MRM1: variants seen among roughly 807,000 people sequenced by gnomAD.
MRM1 encodes the protein mitochondrial rRNA methyltransferase 1.
A neutral mutation model predicts 25.0 loss-of-function variants in MRM1; 24 were observed. The ratio of observed to expected loss-of-function variants is 0.96; its 90% CI spans 0.69 to 1.35. The LOEUF (loss-of-function observed/expected upper bound fraction) is 1.35, where lower values mean the gene tolerates loss of function less well. Ranked by LOEUF, MRM1 falls within the 40% of genes most tolerant of loss-of-function variation. The pLI, the probability that MRM1 is intolerant of heterozygous loss-of-function variation, is 0.00. For synonymous variants in MRM1, 188 were observed against 199.2 expected, an observed-to-expected ratio of 0.94 and a Z score of 0.47; for missense variants, 431 against 464.1, an observed-to-expected ratio of 0.93 and a Z score of 0.65.
At chr17:36,618,773 G>T in the MRM1 span, among the ~76,000 whole-genome samples, 1 of 152,196 alleles carries the variant, frequency 6.6e-6, no homozygotes, top group African/African-American at 2.4e-5. Context: ...CACCTGCTTT[G>T]TCGATGAGAT....
At chr17:36,620,844 A>G in the MRM1 span, among the ~76,000 whole-genome samples, 1 of 152,096 alleles carries the variant, frequency 6.6e-6, no homozygotes, top group Non-Finnish European at 1.5e-5. Flanking sequence ...GGCCCAACCC[A>G]TCCATAGGTC....
At position 36,608,552 on chromosome 17, in the gene MRM1, A is replaced by C. The variant is rs1344292829; in HGVS notation, c.*137A>C. 57 of 356,896 alleles carry C rather than the reference A, an allele frequency of 1.6e-4. No homozygotes were observed. Among genetic ancestry groups the C allele is most frequent in the East Asian group, 3.8e-4 (6 of 15,714 alleles). 22.1% of individuals were successfully genotyped at this position (356,896 alleles called of 1,614,324 possible). A position where few individuals can be genotyped will look rare whatever the true frequency, so the allele number is the denominator to read the frequency against. On this transcript the variant is annotated 3_prime_UTR_variant, in exon 5 of 5. Coordinates refer to ENST00000614766, the MANE Select transcript of MRM1 (RefSeq NM_024864.5). ...TTGACCACAGTCTGGGGGGGGGGGAAGGGGACTGCGGTGGACACCAGAGGA... is the reference window on the plus strand; with the variant it reads ...TTGACCACAGTCTGGGGGGGGGGGACGGGGACTGCGGTGGACACCAGAGGA...
the MRM1 span, among the ~76,000 whole-genome samples, chr17:36,632,463 G>A: frequency 3.3e-5 from 5 of 152,172 alleles, no homozygotes; most frequent in African/African-American, 4.8e-5. Flanking sequence ...GGTGTCTGGG[G>A]CAAGATGGGA....
chr17:36,608,228 C>G lies in MRM1; in HGVS notation c.890-15C>G, dbSNP rs1265981336. On this transcript the variant is annotated splice_polypyrimidine_tract_variant and intron_variant, in intron 4 of 4. Coordinates refer to ENST00000614766, the MANE Select transcript of MRM1 (RefSeq NM_024864.5). ...CTCCTCCGTCCTCTCTTCCCTTGTC[C>G]TTGTGTCTGTGCAGGAATTCTTCTT... The G allele has an allele frequency of 6.4e-7, 1 of 1,550,854 alleles. No homozygotes were observed. Among genetic ancestry groups the G allele is most frequent in the Admixed American group, 1.9e-5 (1 of 51,668 alleles).
At chr17:36,612,922 C>T (rs1000434476), downstream of MRM1, among the ~76,000 whole-genome samples, 2 of 152,164 alleles carry the variant, frequency 1.3e-5, no homozygotes, top group African/African-American at 2.4e-5. Flanking sequence ...ACCTGGCCTC[C>T]GTTTTCCTGT....
chr17:36,619,807 C>T, the MRM1 span, among the ~76,000 whole-genome samples: 4 of 152,192 alleles, frequency 2.6e-5, no homozygotes, highest in Non-Finnish European at 2.9e-5. Flanking sequence ...TTTTACACTG[C>T]CCCCAAGAGT....
Position 36,602,634 on chromosome 17 carries a change from C to T in MRM1, c.624C>T (p.Thr208=). The change falls in exon 2 of 5, where the codon ACC becomes ACT. Residue 208 remains threonine (T), a synonymous_variant. Transcript: ENST00000614766. This position sits in a 1 kb window ranked among gnomAD's most constrained non-coding sequence, Gnocchi z 4.1. ...ACGTGTTCTCCACTGATGACCTCACCGGATTTTTACAGGTAATGAGGGGCA... is the reference window on the plus strand; with the variant it reads ...ACGTGTTCTCCACTGATGACCTCACTGGATTTTTACAGGTAATGAGGGGCA... The part of the protein sequence containing the change: ...VMDVFSTDDL[T]GFLQTKAQQG... The T allele has an allele frequency of 6.2e-7, 1 of 1,614,080 alleles. No individual in the cohort carries two copies. The highest frequency in any genetic ancestry group is 8.5e-7 in the Non-Finnish European group (1 of 1,180,008).
At chr17:36,621,514 C>T in the MRM1 span, among the ~76,000 whole-genome samples, 4 of 152,198 alleles carry the variant, frequency 2.6e-5, no homozygotes, top group African/African-American at 4.8e-5. Flanking sequence ...TCCCTCTCAG[C>T]CCTGCACCTT....
downstream of MRM1, among the ~76,000 whole-genome samples, chr17:36,612,213 A>G (rs976951442): frequency 6.6e-5 from 10 of 152,080 alleles, no homozygotes; most frequent in African/African-American, 1.4e-4. Flanking sequence ...TGGGCCATCT[A>G]GAAGACTCTC....
chr17:36,626,433 G>A, the MRM1 span, among the ~76,000 whole-genome samples: 3 of 152,152 alleles, frequency 2.0e-5, no homozygotes, highest in Non-Finnish European at 2.9e-5. Flanking sequence ...CGTGATCTCG[G>A]CTCACTGCAA....
chr17:36,621,162 A>G, the MRM1 span, among the ~76,000 whole-genome samples: 1 of 152,028 alleles, frequency 6.6e-6, no homozygotes, highest in Non-Finnish European at 1.5e-5. Context: ...AGCTCCTTAC[A>G]ATTTTCCTTT....
chr17:36,608,488 G>C lies in MRM1; in HGVS notation c.*73G>C. On this transcript the variant is annotated 3_prime_UTR_variant, in exon 5 of 5. Coordinates refer to ENST00000614766, the MANE Select transcript of MRM1 (RefSeq NM_024864.5). ...CCTGCCTCCGCCGGCTCCAGTGTGC[G>C]GGGAGCCTCTGCCTGAGTGTGCACC... The C allele has an allele frequency of 8.0e-7, 1 of 1,243,362 alleles. No homozygotes were observed. The highest frequency in any genetic ancestry group is 2.1e-5 in the South Asian group (1 of 48,330). 77.0% of individuals were successfully genotyped at this position (1,243,362 alleles called of 1,614,324 possible).
chr17:36,603,201 G>T, intron 2 of MRM1: 1 of 984,080 alleles, frequency 1.0e-6, no homozygotes, highest in African/African-American at 1.8e-5. Context: ...TGCAGGGTGA[G>T]AAATTTCCCT....
chr17:36,605,545 A>G (rs1216541971), intron 2 of MRM1, among the ~76,000 whole-genome samples: 1 of 149,440 alleles, frequency 6.7e-6, no homozygotes, highest in African/African-American at 2.5e-5. Flanking sequence ...ATACTATCTG[A>G]ATTCAAATTC....
At chr17:36,621,213 C>T in the MRM1 span, among the ~76,000 whole-genome samples, 1 of 152,138 alleles carries the variant, frequency 6.6e-6, no homozygotes. Context: ...AGCCACACCC[C>T]CAACATACCC....
the MRM1 span, among the ~76,000 whole-genome samples, chr17:36,631,584 C>A: frequency 6.6e-6 from 1 of 152,214 alleles, no homozygotes; most frequent in East Asian, 1.9e-4. Flanking sequence ...CAAAGGCACT[C>A]AGCACACCAA....
At chr17:36,633,107 G>A in the MRM1 span, among the ~76,000 whole-genome samples, 3 of 152,222 alleles carry the variant, frequency 2.0e-5, no homozygotes, top group Non-Finnish European at 4.4e-5. Context: ...TTTGCTCCCT[G>A]TGGGTGGCTT....
chr17:36,619,205 G>A, the MRM1 span, among the ~76,000 whole-genome samples: 1 of 152,138 alleles, frequency 6.6e-6, no homozygotes, highest in Admixed American at 6.5e-5. Context: ...TCCATATTGT[G>A]GCATGTGACA....
the MRM1 span, among the ~76,000 whole-genome samples, chr17:36,616,189 A>G: frequency 3.8e-4 from 58 of 152,284 alleles, no homozygotes; most frequent in African/African-American, 1.4e-3. Context: ...TGGGTGTTTC[A>G]CAATGATGCA....
Sources: gnomAD v4.1 joint callset for allele counts (sites outside exome capture counted in the v4.1 genomes callset) on GRCh38, gnomAD v4.1.1 for gene constraint, Gnocchi (gnomAD v3.1) non-coding constraint, MANE v1.5 for transcripts, NCBI Gene and HGNC (gene_info 2026-07-23, HGNC 2026-07-21) for gene names.